The following SLC25A14 variants were observed in gnomAD, a reference collection of about 807,000 sequenced individuals.
SLC25A14 encodes the protein solute carrier family 25 member 14.
A neutral mutation model predicts 28.1 loss-of-function variants in SLC25A14; 8 were observed. The ratio of observed to expected loss-of-function variants is 0.28; its 90% CI spans 0.17 to 0.51. The LOEUF is 0.51. Ranked by LOEUF, SLC25A14 falls within the 20% of genes least tolerant of loss-of-function variation. SLC25A14 has a pLI of 0.97. For synonymous variants in SLC25A14, 74 were observed against 90.6 expected (o/e 0.82, Z 1.04); for missense variants, 135 against 263.8 (o/e 0.51, Z 3.38).
At chrX:130,359,515 A>C (rs2033903426) in intron 7 of SLC25A14, among the ~76,000 whole-genome samples, 1 of 110,271 alleles carries the variant, frequency 9.1e-6, no homozygotes, top group South Asian at 3.8e-4. Flanking sequence ...AATTTCTGTT[A>C]AACTTTTTGT....
At chrX:130,359,352 C>CAAAAAAAA (rs55826694) in intron 7 of SLC25A14, among the ~76,000 whole-genome samples, 1 of 26,212 alleles carries the variant, frequency 3.8e-5, no homozygotes, top group African/African-American at 1.3e-4. Context: ...GACTCTGTCT[C>CAAAAAAAA]AAAAAAAAAA....
At chrX:130,347,697 T>C (rs974903731) in intron 4 of SLC25A14, among the ~76,000 whole-genome samples, 1 of 111,841 alleles carries the variant, frequency 8.9e-6, no homozygotes, top group African/African-American at 3.2e-5. Context: ...AAAAAATCTT[T>C]ATTAGGTGAG....
At chrX:130,353,978 C>T (rs5932749) in intron 6 of SLC25A14, among the ~76,000 whole-genome samples, 51,500 of 110,423 alleles carry the variant, frequency 0.47, 8,905 homozygotes, top group African/African-American at 0.57. Flanking sequence ...TATTCCTTAG[C>T]TTCATTCATG....
At chrX:130,372,832 G>A in intron 10 of SLC25A14, 77 bp from the exon 11 acceptor site, 1 of 685,733 alleles carries the variant, frequency 1.5e-6, no homozygotes, top group Non-Finnish European at 2.4e-6. Flanking sequence ...CTTAATTTAA[G>A]AGAATGCGAT....
chrX:130,351,201 C>T (rs761389010), intron 6 of SLC25A14, among the ~76,000 whole-genome samples: 5 of 111,787 alleles, frequency 4.5e-5, no homozygotes, highest in African/African-American at 1.6e-4. Flanking sequence ...TATTCTAAAT[C>T]TTGGTATGGT....
chrX:130,344,012 T>C (rs1174795939), intron 2 of SLC25A14, among the ~76,000 whole-genome samples: 1 of 112,119 alleles, frequency 8.9e-6, no homozygotes, highest in African/African-American at 3.2e-5. Context: ...TCTGCATTCC[T>C]CACCATAAAC....
chrX:130,363,082 A>C (rs1351498093), intron 7 of SLC25A14, among the ~76,000 whole-genome samples: 3 of 112,661 alleles, frequency 2.7e-5, no homozygotes, highest in African/African-American at 9.7e-5. Context: ...CCATCTTTAA[A>C]GTATACGATT....
chrX:130,362,261 T>C (rs1380773643), intron 7 of SLC25A14, among the ~76,000 whole-genome samples: 1 of 109,225 alleles, frequency 9.2e-6, no homozygotes, highest in Non-Finnish European at 1.9e-5. Context: ...CTCAGCCTCC[T>C]GTGTAGCTGG....
intron 10 of SLC25A14, among the ~76,000 whole-genome samples, 196 bp from the exon 11 acceptor site, chrX:130,372,713 C>T (rs1039195938): frequency 7.2e-5 from 8 of 111,095 alleles, no homozygotes; most frequent in Admixed American, 6.7e-4. Context: ...CCACCCACCT[C>T]GGCCTCTCAA....
chrX:130,357,148 A>G (rs759510800), intron 6 of SLC25A14, among the ~76,000 whole-genome samples: 1 of 112,334 alleles, frequency 8.9e-6, no homozygotes, highest in East Asian at 2.8e-4. Flanking sequence ...GCAGAATGTA[A>G]GAAGGTGCCA....
chrX:130,365,464 T>A lies in SLC25A14; in HGVS notation c.720-77T>A, dbSNP rs1048162930. The A allele has an allele frequency of 3.6e-5, 43 of 1,185,910 alleles. No homozygotes were observed. The South Asian group carries it at 7.7e-4, about 21-fold the overall frequency. On this transcript the variant is annotated intron_variant, in intron 8 of 10. Transcript: ENST00000545805. ...GATGGGTCTGAGTTATATTGTACAG[T>A]TTACGTTTGGCCTAATTTCTGTTTA... is the stretch of plus-strand genomic sequence containing the variant.
chrX:130,358,673 G>A lies in SLC25A14; in HGVS notation c.532G>A (p.Gly178Arg). ...RMQAQGSLFQ[G>R]SMIGSFIDIY... is the part of the protein sequence containing the mutation. ...GCAGGCTCAAGGAAGCTTGTTCCAA[G>A]GGAGCATGATTGGAAGCTTTATCGA... The change falls in exon 7 of 11, where the codon GGG becomes AGG. Residue 178 changes from glycine to arginine, a missense_variant. By Grantham distance (125) the Gly-to-Arg change is moderately radical. Coordinates refer to ENST00000545805, the MANE Select transcript of SLC25A14 (RefSeq NM_001282195.2). 8.3e-7 allele frequency: 1 copy of A among 1,206,979 alleles called. No homozygotes were observed. Among genetic ancestry groups the A allele is most frequent in the Non-Finnish European group, 1.1e-6 (1 of 891,685 alleles).
intron 6 of SLC25A14, 50 bp from the exon 7 acceptor site, chrX:130,358,590 C>CT: frequency 1.3e-6 from 1 of 782,769 alleles, no homozygotes; most frequent in Non-Finnish European, 1.9e-6. Flanking sequence ...ATGAATTTAG[C>CT]ATTTTGGTTC....
At chrX:130,341,972 A>C (rs965625719) in intron 2 of SLC25A14, among the ~76,000 whole-genome samples, 2 of 112,001 alleles carry the variant, frequency 1.8e-5, no homozygotes, top group South Asian at 3.7e-4. Flanking sequence ...TTTCCTCTGC[A>C]ATCTTTTATA....
rs758683515 is a variant in SLC25A14, at chrX:130,339,985, G to A, written c.-173+9G>A. 5 of 913,274 alleles carry A rather than the reference G, an allele frequency of 5.5e-6. No individual in the cohort carries two copies. The highest frequency in any genetic ancestry group is 1.1e-4 in the Admixed American group (2 of 17,475). 75.3% of individuals were successfully genotyped at this position (913,274 alleles called of 1,213,427 possible). On this transcript the variant is annotated intron_variant, in intron 1 of 10. Transcript: ENST00000545805. ...CCGATGAGCCCGAGCAGGTGAGGGG[G>A]AGCTCCTGGACTTCCAGGCTGGGGA...
At chrX:130,346,166 A>T (rs1433979758) in intron 3 of SLC25A14, among the ~76,000 whole-genome samples, 1 of 111,411 alleles carries the variant, frequency 9.0e-6, no homozygotes, top group Non-Finnish European at 1.9e-5. Context: ...GGGAGATTTT[A>T]TGAGACACAG....
intron 10 of SLC25A14, 52 bp from the exon 11 acceptor site, chrX:130,372,857 T>C: frequency 1.2e-6 from 1 of 845,674 alleles, no homozygotes; most frequent in Non-Finnish European, 1.8e-6. Flanking sequence ...ATTTTAGAAC[T>C]AGCTTTGGCT....
At chrX:130,365,403 A>G (rs1292099157) in intron 8 of SLC25A14, 138 bp from the exon 9 acceptor site, 33 of 1,057,075 alleles carry the variant, frequency 3.1e-5, no homozygotes, top group Non-Finnish European at 3.7e-5. Context: ...CTGTCTCTTT[A>G]GATTGTAACG....
At chrX:130,370,711 C>T (rs2034241963) in intron 9 of SLC25A14, among the ~76,000 whole-genome samples, 1 of 111,808 alleles carries the variant, frequency 8.9e-6, no homozygotes, top group Admixed American at 9.5e-5. Flanking sequence ...TATTTTCTTA[C>T]CCTGCTTTAG....
Sources: gnomAD v4.1 joint callset for allele counts (sites outside exome capture counted in the v4.1 genomes callset) on GRCh38, gnomAD v4.1.1 for gene constraint, MANE v1.5 for transcripts, NCBI Gene and HGNC (gene_info 2026-07-23, HGNC 2026-07-21) for gene names.